The following EDA variants were observed in gnomAD, a reference collection of about 807,000 sequenced individuals.
EDA encodes the protein ectodysplasin A.
EDA carries 2 observed loss-of-function variants against 23.6 expected under a neutral mutation model. The observed-to-expected ratio is 0.08, with a 90% CI of 0.03 to 0.27. The LOEUF (loss-of-function observed/expected upper bound fraction) is 0.27, where lower values mean the gene tolerates loss of function less well. Ranked by LOEUF, EDA falls within the 10% of genes least tolerant of loss-of-function variation. EDA has a pLI of 1.00. For synonymous variants in EDA, 131 were observed against 132.0 expected (o/e 0.99, Z 0.05); for missense variants, 229 against 324.2 (o/e 0.71, Z 2.26).
chrX:69,887,796 A>G (rs1399587515), intron 1 of EDA, among the ~76,000 whole-genome samples: 1 of 111,640 alleles, frequency 9.0e-6, no homozygotes, highest in African/African-American at 3.3e-5. Flanking sequence ...AGAAAAGGAA[A>G]CTACCAACTA....
chrX:69,820,874 T>A (rs776962257), intron 1 of EDA, among the ~76,000 whole-genome samples: 13 of 111,653 alleles, frequency 1.2e-4, no homozygotes, highest in Admixed American at 2.8e-4. Context: ...GACCCAGTAA[T>A]CCCATTACTG....
intron 2 of EDA, among the ~76,000 whole-genome samples, chrX:69,994,811 T>C (rs2019634223): frequency 8.9e-6 from 1 of 111,982 alleles, no homozygotes; most frequent in Non-Finnish European, 1.9e-5. Flanking sequence ...TGCAGCTGCA[T>C]TGTGAGTCCC....
chrX:69,798,606 T>G (rs1289683502), intron 1 of EDA, among the ~76,000 whole-genome samples: 2 of 110,864 alleles, frequency 1.8e-5, no homozygotes, highest in Non-Finnish European at 3.8e-5. Context: ...ATCAAAAAAT[T>G]TCTTGAAGAA....
intron 1 of EDA, among the ~76,000 whole-genome samples, chrX:69,807,760 A>T (rs183242201): frequency 1.8e-5 from 2 of 110,546 alleles, no homozygotes; most frequent in East Asian, 5.7e-4. Flanking sequence ...ATCAGTGTCC[A>T]CCCATCTGAT....
At chrX:69,700,320 G>T (rs776383196) in intron 1 of EDA, among the ~76,000 whole-genome samples, 4 of 111,470 alleles carry the variant, frequency 3.6e-5, no homozygotes, top group African/African-American at 1.3e-4. Flanking sequence ...AAGGTGTCAG[G>T]GTCTTCCCAC....
chrX:69,734,714 AT>A (rs1357941271), intron 1 of EDA, among the ~76,000 whole-genome samples: 1 of 111,811 alleles, frequency 8.9e-6, no homozygotes, highest in Admixed American at 9.5e-5. Flanking sequence ...ATATTGTTTA[AT>A]TTCCAAGCAT....
chrX:69,650,982 G>A (rs776710285), intron 1 of EDA, among the ~76,000 whole-genome samples: 1 of 111,193 alleles, frequency 9.0e-6, no homozygotes, highest in Admixed American at 9.6e-5. Context: ...AGTTAGTAAG[G>A]GGGAAAGTTA....
intron 1 of EDA, among the ~76,000 whole-genome samples, chrX:69,949,437 C>T (rs982988585): frequency 9.0e-6 from 1 of 111,660 alleles, no homozygotes; most frequent in Non-Finnish European, 1.9e-5. Context: ...AAGTCAGATT[C>T]TAGGGTTCCA....
intron 1 of EDA, among the ~76,000 whole-genome samples, chrX:69,715,356 C>T (rs2012284234): frequency 9.0e-6 from 1 of 111,102 alleles, no homozygotes; most frequent in Non-Finnish European, 1.9e-5. Flanking sequence ...GCTTTCTGTT[C>T]CTGCATTAAT....
intron 1 of EDA, among the ~76,000 whole-genome samples, chrX:69,690,899 T>C (rs1569297869): frequency 3.6e-5 from 4 of 112,065 alleles, no homozygotes; most frequent in Admixed American, 1.9e-4. Flanking sequence ...ATCTAAGTTA[T>C]ATAATTTGTA....
At chrX:69,859,869 G>A (rs1278816533) in intron 1 of EDA, among the ~76,000 whole-genome samples, 1 of 111,460 alleles carries the variant, frequency 9.0e-6, no homozygotes, top group East Asian at 2.8e-4. Context: ...TCTCTTTGAA[G>A]GTCTCTAAGA....
intron 1 of EDA, among the ~76,000 whole-genome samples, chrX:69,758,127 A>G (rs2014181363): frequency 8.9e-6 from 1 of 112,487 alleles, no homozygotes; most frequent in African/African-American, 3.2e-5. Context: ...CAGTTCTACT[A>G]CTACATGTGC....
intron 5 of EDA, among the ~76,000 whole-genome samples, chrX:70,029,969 G>A (rs990909945): frequency 8.9e-6 from 1 of 112,413 alleles, no homozygotes; most frequent in African/African-American, 3.2e-5. Context: ...GCCCAGCCTA[G>A]CCTGGGCGTC....
rs1448176728 is a variant in EDA, at chrX:69,678,991, G to A, written c.396+62287G>A. ...GATAGCTCTTATTATTTTGAAATAC[G>A]TCCCATCAATACCTAATTTATTGAG... On this transcript the variant is annotated intron_variant, in intron 1 of 7. Transcript: ENST00000374552. 3.4e-4 allele frequency among the ~76,000 whole-genome samples: 32 copies of A among 93,074 alleles called. No individual in the cohort carries two copies. In the East Asian group the frequency reaches 4.2e-3, roughly 12 times the overall value. 80.8% of individuals were successfully genotyped at this position (93,074 alleles called of 115,157 possible).
intron 1 of EDA, among the ~76,000 whole-genome samples, chrX:69,765,539 T>C (rs966862553): frequency 8.9e-6 from 1 of 112,300 alleles, no homozygotes; most frequent in Non-Finnish European, 1.9e-5. Flanking sequence ...TGAATTGTAC[T>C]TGTAGTTGTT....
intron 1 of EDA, among the ~76,000 whole-genome samples, chrX:69,753,055 G>GT (rs756745832): frequency 0.016 from 1,785 of 111,204 alleles, 43 homozygotes; most frequent in African/African-American, 0.056. Flanking sequence ...TTTTTGAAGG[G>GT]TTTTTTGTGT....
chrX:69,835,181 A>G (rs1028481621), intron 1 of EDA, among the ~76,000 whole-genome samples: 11 of 88,882 alleles, frequency 1.2e-4, no homozygotes, highest in Admixed American at 5.8e-4. Flanking sequence ...GAATCTGACA[A>G]TTATGTGCCT....
intron 1 of EDA, among the ~76,000 whole-genome samples, chrX:69,927,951 T>G (rs770022575): frequency 9.0e-6 from 1 of 111,509 alleles, no homozygotes; most frequent in South Asian, 3.7e-4. Context: ...AAATCAATTT[T>G]ATTTTAAATG....
chrX:70,031,232 G>A (rs144790972), intron 6 of EDA, among the ~76,000 whole-genome samples: 4 of 112,346 alleles, frequency 3.6e-5, no homozygotes, highest in Non-Finnish European at 5.6e-5. Flanking sequence ...GAAGTTCAGA[G>A]AGATTAATTA....
Sources: gnomAD v4.1 joint callset for allele counts (sites outside exome capture counted in the v4.1 genomes callset) on GRCh38, gnomAD v4.1.1 for gene constraint, MANE v1.5 for transcripts, NCBI Gene and HGNC (gene_info 2026-07-23, HGNC 2026-07-21) for gene names.